The following SLCO3A1 variants were observed in gnomAD, a reference collection of about 807,000 sequenced individuals.
The protein encoded by SLCO3A1 is solute carrier organic anion transporter family member 3A1.
SLCO3A1 carries 27 observed loss-of-function variants against 63.1 expected under a neutral mutation model. The ratio of observed to expected loss-of-function variants is 0.43; its 90% CI spans 0.32 to 0.59. The LOEUF (loss-of-function observed/expected upper bound fraction) is 0.59, where lower values mean the gene tolerates loss of function less well. Ranked by LOEUF, SLCO3A1 falls within the 20% of genes least tolerant of loss-of-function variation. SLCO3A1 has a pLI of 0.09. For missense variants in SLCO3A1, 773 were observed against 945.8 expected, an observed-to-expected ratio of 0.82 and a Z score of 2.40; for synonymous variants, 473 against 409.9, an observed-to-expected ratio of 1.15 and a Z score of -1.86.
In SLCO3A1 at chr15:92,033,872, C is replaced by T. The variant is rs1269313275; in HGVS notation, c.647-61009C>T. Among the ~76,000 whole-genome samples, 2 of 151,948 alleles carry T rather than the reference C, an allele frequency of 1.3e-5. No individual in the cohort carries two copies. Among genetic ancestry groups the T allele is most frequent in the African/African-American group, 2.4e-5 (1 of 41,338 alleles). On this transcript the variant is annotated intron_variant, in intron 2 of 9. Coordinates refer to ENST00000318445, the MANE Select transcript of SLCO3A1 (RefSeq NM_013272.4). The surrounding 1 kb of genome is among the most constrained non-coding windows in gnomAD (Gnocchi z 4.5). ...TGGAGGAAAAACATTCCAGACAGAC[C>T]AGTGAGGGCTGAGGCTTATTAGGGC...
rs566455775 is a variant in SLCO3A1 at position 92,095,527 on chromosome 15, T to C, written c.745+548T>C. Among the ~76,000 whole-genome samples the C allele has an allele frequency of 7.2e-5, 11 of 152,316 alleles. No homozygotes were observed. The South Asian group carries it at 2.3e-3, about 32-fold the overall frequency. On this transcript the variant is annotated intron_variant, in intron 3 of 9. Transcript: ENST00000318445. ...ATTCAAAACCATTTTAAGCAGAACCTGTGTTCTTAGCAGGAAGTGCAAGTG... is the reference window on the plus strand; with the variant it reads ...ATTCAAAACCATTTTAAGCAGAACCCGTGTTCTTAGCAGGAAGTGCAAGTG...
chr15:91,910,689 G>A (rs934732771), intron 1 of SLCO3A1, among the ~76,000 whole-genome samples: 1 of 152,216 alleles, frequency 6.6e-6, no homozygotes, highest in Non-Finnish European at 1.5e-5. Flanking sequence ...GACTTACACT[G>A]ATAGGACCAG....
In SLCO3A1 at chr15:91,950,774, A is replaced by C. The variant is rs1341834481; in HGVS notation, c.646+34316A>C. 6.6e-6 allele frequency among the ~76,000 whole-genome samples: 1 copy of C among 152,174 alleles called. No homozygotes were observed. The highest frequency in any genetic ancestry group is 2.4e-5 in the African/African-American group (1 of 41,430). ...TGATGTGTTGTTGAAAGTCTTTGGC[A>C]ATGCTTAATTTTATGGTATGTGCAA... On this transcript the variant is annotated intron_variant, in intron 2 of 9. Coordinates refer to ENST00000318445, the MANE Select transcript of SLCO3A1 (RefSeq NM_013272.4). The surrounding 1 kb of genome is among the most constrained non-coding windows in gnomAD (Gnocchi z 4.4).
intron 2 of SLCO3A1, among the ~76,000 whole-genome samples, chr15:91,990,129 G>GA (rs1254721149): frequency 2.6e-5 from 4 of 152,214 alleles, no homozygotes; most frequent in Non-Finnish European, 5.9e-5. Context: ...TAAGATGAGG[G>GA]AAATGGGCAG....
chr15:92,049,737 G>A (rs2046934364), intron 2 of SLCO3A1, among the ~76,000 whole-genome samples: 1 of 152,200 alleles, frequency 6.6e-6, no homozygotes, highest in African/African-American at 2.4e-5. Flanking sequence ...ATTAACAGCA[G>A]CAGTGGCCAG....
At chr15:92,093,705 A>C (rs145772136) in intron 2 of SLCO3A1, among the ~76,000 whole-genome samples, 1 of 152,172 alleles carries the variant, frequency 6.6e-6, no homozygotes, top group African/African-American at 2.4e-5. Flanking sequence ...CCCTGAGAAT[A>C]GTACTTGGCA....
chr15:92,113,673 C>T (rs551804794), intron 4 of SLCO3A1, among the ~76,000 whole-genome samples: 10 of 152,294 alleles, frequency 6.6e-5, no homozygotes, highest in African/African-American at 2.4e-4. Flanking sequence ...CATGGTGGGT[C>T]TGAAGCTGGG....
chr15:91,999,067 G>T (rs979982832), intron 2 of SLCO3A1, among the ~76,000 whole-genome samples: 6 of 152,172 alleles, frequency 3.9e-5, no homozygotes, highest in Non-Finnish European at 5.9e-5. Context: ...TTCTTTTCTT[G>T]TAAGTACAAG....
At chr15:91,918,931 C>T (rs1401637579) in intron 2 of SLCO3A1, among the ~76,000 whole-genome samples, 1 of 152,166 alleles carries the variant, frequency 6.6e-6, no homozygotes, top group Non-Finnish European at 1.5e-5. Context: ...GGCCCACAAC[C>T]AATTGTCTGG....
Position 92,021,247 on chromosome 15 carries a change from T to A in SLCO3A1, c.647-73634T>A, listed in dbSNP as rs551448144. 5.3e-4 allele frequency among the ~76,000 whole-genome samples: 80 copies of A among 152,328 alleles called. 1 individual carries two copies. Among genetic ancestry groups the A allele is most frequent in the African/African-American group, 1.9e-3 (79 of 41,564 alleles). On this transcript the variant is annotated intron_variant, in intron 2 of 9. Transcript: ENST00000318445. Reference sequence around the variant, plus strand: ...AATCCCTGATGCAGATGTCACTTACTCTTTTAAGAAAGCATTCCCTAGCCA... The same window carrying A: ...AATCCCTGATGCAGATGTCACTTACACTTTTAAGAAAGCATTCCCTAGCCA...
intron 2 of SLCO3A1, among the ~76,000 whole-genome samples, chr15:92,006,743 G>A (rs1258656198): frequency 6.6e-6 from 1 of 152,200 alleles, no homozygotes; most frequent in African/African-American, 2.4e-5. Context: ...AACATAGTGA[G>A]CGTAATAAAC....
At position 92,150,932 on chromosome 15, in the gene SLCO3A1, TCATC is replaced by T. The variant is rs1228561493; in HGVS notation, c.1689-17_1689-14del. ...TAAAAATCTGGTTTTTTTTTTCTCT[TCATC>T]TCTTTGCACGTAGGACAGTCAGCCC... On this transcript the variant is annotated splice_polypyrimidine_tract_variant and intron_variant, in intron 8 of 9. Coordinates refer to ENST00000318445, the MANE Select transcript of SLCO3A1 (RefSeq NM_013272.4). 1.9e-6 allele frequency: 3 copies of T among 1,593,044 alleles called. No homozygotes were observed. The highest frequency in any genetic ancestry group is 1.2e-5 in the South Asian group (1 of 86,362).
chr15:91,983,190 G>A (rs2046008792), intron 2 of SLCO3A1, among the ~76,000 whole-genome samples: 2 of 152,204 alleles, frequency 1.3e-5, no homozygotes, highest in African/African-American at 2.4e-5. Flanking sequence ...CCTATGCCAG[G>A]CATGGCCCTA....
chr15:91,957,098 TATAATATA>T (rs1367198842), intron 2 of SLCO3A1, among the ~76,000 whole-genome samples: 3 of 314 alleles, frequency 9.6e-3, no homozygotes, highest in African/African-American at 0.05. Context: ...ATATAATATA[TATAATATA>T]TATATATATA....
At chr15:91,949,726 G>A (rs1344924663) in intron 2 of SLCO3A1, among the ~76,000 whole-genome samples, 1 of 152,102 alleles carries the variant, frequency 6.6e-6, no homozygotes, top group Non-Finnish European at 1.5e-5. Flanking sequence ...TAATATAGAA[G>A]GCAGATGAGC....
chr15:91,936,263 A>T (rs1899410083), intron 2 of SLCO3A1, among the ~76,000 whole-genome samples: 4 of 152,248 alleles, frequency 2.6e-5, no homozygotes, highest in African/African-American at 7.2e-5. Context: ...AATTTACATG[A>T]TTTCTAGATT....
At chr15:92,053,485 C>T (rs747107625) in intron 2 of SLCO3A1, among the ~76,000 whole-genome samples, 25 of 152,016 alleles carry the variant, frequency 1.6e-4, no homozygotes, top group Admixed American at 3.3e-4. Context: ...TGTAGTTTTT[C>T]GCTAATATCA....
At chr15:92,146,951 C>T (rs771279788) in intron 7 of SLCO3A1, 33 bp from the exon 8 acceptor site, 2 of 1,563,052 alleles carry the variant, frequency 1.3e-6, no homozygotes, top group South Asian at 1.2e-5. Flanking sequence ...CGGAAGTACC[C>T]CCAGATAAAA....
At chr15:91,879,105 A>G (rs1414690516) in intron 1 of SLCO3A1, among the ~76,000 whole-genome samples, 1 of 152,202 alleles carries the variant, frequency 6.6e-6, no homozygotes, top group Non-Finnish European at 1.5e-5. Flanking sequence ...CTGAAGGGTA[A>G]GCACGCTGAA....
Sources: allele counts gnomAD v4.1 joint callset (sites outside exome capture counted in the v4.1 genomes callset), GRCh38; gene constraint gnomAD v4.1.1; non-coding constraint Gnocchi (gnomAD v3.1); transcripts MANE v1.5; gene names NCBI Gene and HGNC (gene_info 2026-07-23, HGNC 2026-07-21).